The following PTPRE variants were observed in gnomAD, a reference collection of about 807,000 sequenced individuals.
PTPRE encodes protein tyrosine phosphatase receptor type E, also known as receptor-type tyrosine-protein phosphatase epsilon.
A neutral mutation model predicts 102.0 loss-of-function variants in PTPRE; 51 were observed. That is an observed-to-expected ratio of 0.50 (90% CI 0.40 to 0.63). The LOEUF is 0.63. PTPRE is among the 30% of genes least tolerant of loss of function. PTPRE has a pLI of 0.00. For synonymous variants in PTPRE, 345 were observed against 348.2 expected, an observed-to-expected ratio of 0.99 and a Z score of 0.10; for missense variants, 752 against 915.1, an observed-to-expected ratio of 0.82 and a Z score of 2.30.
intron 1 of PTPRE, among the ~76,000 whole-genome samples, chr10:127,932,742 G>C (rs1847536738): frequency 6.6e-6 from 1 of 152,236 alleles, no homozygotes; most frequent in South Asian, 2.1e-4. Context: ...GCCTGGGCCT[G>C]GCCTGGCCCA....
At chr10:127,986,226 G>T (rs914655571) in intron 2 of PTPRE, among the ~76,000 whole-genome samples, 1 of 151,888 alleles carries the variant, frequency 6.6e-6, no homozygotes, top group Non-Finnish European at 1.5e-5. Flanking sequence ...TTTAACAATA[G>T]ATTTATGAAA....
chr10:128,009,485 T>A (rs1379359759), intron 2 of PTPRE, among the ~76,000 whole-genome samples: 2 of 152,210 alleles, frequency 1.3e-5, no homozygotes, highest in East Asian at 3.9e-4. Flanking sequence ...AGCTGACATT[T>A]GCAAAGGCCC....
At chr10:127,971,651 A>G (rs1169458823) in intron 1 of PTPRE, among the ~76,000 whole-genome samples, 1 of 152,234 alleles carries the variant, frequency 6.6e-6, no homozygotes, top group African/African-American at 2.4e-5. Flanking sequence ...GCCCCTCACA[A>G]GGCAGTTCCT....
chr10:128,018,219 G>A (rs920073422), intron 2 of PTPRE, among the ~76,000 whole-genome samples: 4 of 152,244 alleles, frequency 2.6e-5, no homozygotes, highest in Middle Eastern at 6.8e-3. Flanking sequence ...TCTGAAACTC[G>A]GCATCCTCTG....
intron 1 of PTPRE, among the ~76,000 whole-genome samples, chr10:127,935,551 T>C (rs145864657): frequency 5.4e-4 from 82 of 152,226 alleles, no homozygotes; most frequent in Admixed American, 9.8e-4. Context: ...AACTCCATCC[T>C]TTGCTCCCCT....
At chr10:128,067,238 A>G (rs914576373) in intron 11 of PTPRE, among the ~76,000 whole-genome samples, 1 of 110,034 alleles carries the variant, frequency 9.1e-6, no homozygotes, top group African/African-American at 3.5e-5. Context: ...ACATGCACAC[A>G]CGCACACACA....
chr10:128,021,191 G>A (rs1229507812), intron 2 of PTPRE, among the ~76,000 whole-genome samples: 3 of 152,134 alleles, frequency 2.0e-5, no homozygotes, highest in Non-Finnish European at 2.9e-5. Context: ...CACCGCGCCC[G>A]GCCGAGTGTC....
At chr10:128,000,671 T>A (rs558663872) in intron 2 of PTPRE, among the ~76,000 whole-genome samples, 15 of 152,376 alleles carry the variant, frequency 9.8e-5, no homozygotes, top group African/African-American at 3.4e-4. Context: ...ACAGACTTCC[T>A]GCTGAGAATA....
intron 10 of PTPRE, among the ~76,000 whole-genome samples, chr10:128,065,317 A>G (rs1332334069): frequency 6.6e-6 from 1 of 152,198 alleles, no homozygotes; most frequent in Non-Finnish European, 1.5e-5. Context: ...CATTCCAGAC[A>G]TGTTTCTCTG....
At chr10:128,010,121 C>T (rs1844860764) in intron 2 of PTPRE, among the ~76,000 whole-genome samples, 1 of 152,204 alleles carries the variant, frequency 6.6e-6, no homozygotes. Flanking sequence ...GGGTGCCAGG[C>T]CCTTTGCTGG....
At chr10:127,912,670 T>C (rs974490903) in intron 1 of PTPRE, among the ~76,000 whole-genome samples, 6 of 152,236 alleles carry the variant, frequency 3.9e-5, no homozygotes, top group African/African-American at 1.4e-4. Context: ...CTACACTACA[T>C]TTGATCCAAT....
intron 20 of PTPRE, among the ~76,000 whole-genome samples, chr10:128,081,892 C>G (rs1451654136): frequency 2.0e-5 from 3 of 152,204 alleles, no homozygotes; most frequent in African/African-American, 7.2e-5. Context: ...TCTTTCCACC[C>G]AAAAGCATTT....
At chr10:127,967,736 C>A (rs1353497992) in intron 1 of PTPRE, among the ~76,000 whole-genome samples, 4 of 152,154 alleles carry the variant, frequency 2.6e-5, no homozygotes, top group African/African-American at 9.7e-5. Flanking sequence ...TGAGCCAGCA[C>A]CCAGATCAAG....
chr10:128,055,061 G>A (rs1741933223), intron 6 of PTPRE, among the ~76,000 whole-genome samples: 1 of 152,142 alleles, frequency 6.6e-6, no homozygotes, highest in Admixed American at 6.5e-5. Context: ...CTAATGATAG[G>A]TGAGTTGCAA....
intron 2 of PTPRE, among the ~76,000 whole-genome samples, chr10:128,007,479 T>G (rs1241749078): frequency 6.6e-6 from 1 of 152,248 alleles, no homozygotes; most frequent in Non-Finnish European, 1.5e-5. Context: ...AATGGATTTC[T>G]GGAATTTACA....
At chr10:127,954,976 G>A (rs892396391) in intron 1 of PTPRE, among the ~76,000 whole-genome samples, 5 of 151,728 alleles carry the variant, frequency 3.3e-5, no homozygotes, top group Non-Finnish European at 5.9e-5. Flanking sequence ...GGCCCCTTGG[G>A]GTTCCTCATG....
intron 1 of PTPRE, among the ~76,000 whole-genome samples, chr10:127,915,504 G>T (rs2135149991): frequency 6.6e-6 from 1 of 152,264 alleles, no homozygotes; most frequent in African/African-American, 2.4e-5. Flanking sequence ...ATTACTTTTT[G>T]CCAAGGTTGC....
At position 128,070,098 on chromosome 10, in the gene PTPRE, G is replaced by C; in HGVS notation, c.1144-203G>C. ...CAGTGCGTGGCGTGCTCACCAATGT[G>C]AGGCTCTGCTGCTACCGTTCTCCTT... On this transcript the variant is annotated intron_variant, in intron 13 of 20. Coordinates refer to ENST00000254667, the MANE Select transcript of PTPRE (RefSeq NM_006504.6). The surrounding 1 kb of genome is among the most constrained non-coding windows in gnomAD (Gnocchi z 4.8). 1 of 706,544 alleles carries C rather than the reference G, an allele frequency of 1.4e-6. No individual in the cohort carries two copies. The highest frequency in any genetic ancestry group is 2.3e-6 in the Non-Finnish European group (1 of 432,812). 43.8% of individuals were successfully genotyped at this position (706,544 alleles called of 1,614,324 possible).
chr10:128,005,180 G>A (rs1394099647), intron 2 of PTPRE, among the ~76,000 whole-genome samples: 1 of 152,218 alleles, frequency 6.6e-6, no homozygotes, highest in African/African-American at 2.4e-5. Flanking sequence ...TTCACATTCT[G>A]TAGGTCATCT....
Sources: allele counts gnomAD v4.1 joint callset (sites outside exome capture counted in the v4.1 genomes callset), GRCh38; gene constraint gnomAD v4.1.1; non-coding constraint Gnocchi (gnomAD v3.1); transcripts MANE v1.5; gene names NCBI Gene and HGNC (gene_info 2026-07-23, HGNC 2026-07-21).